IL1RAPL2: variants seen among roughly 807,000 people sequenced by gnomAD.
The protein encoded by IL1RAPL2 is X-linked interleukin-1 receptor accessory protein-like 2.
IL1RAPL2 carries 3 observed loss-of-function variants against 44.1 expected under a neutral mutation model. That is an observed-to-expected ratio of 0.07 (90% CI 0.03 to 0.18). The LOEUF (loss-of-function observed/expected upper bound fraction) is 0.18. IL1RAPL2 is among the 10% of genes least tolerant of loss of function. The pLI is 1.00. For synonymous variants in IL1RAPL2, 181 were observed against 178.8 expected, an observed-to-expected ratio of 1.01 and a Z score of -0.10; for missense variants, 391 against 496.4, an observed-to-expected ratio of 0.79 and a Z score of 2.02.
chrX:105,497,786 A>G (rs1257117474), intron 6 of IL1RAPL2, among the ~76,000 whole-genome samples: 1 of 112,303 alleles, frequency 8.9e-6, no homozygotes, highest in Non-Finnish European at 1.9e-5. Flanking sequence ...AAATCAATCA[A>G]TGTGATATAC....
intron 5 of IL1RAPL2, among the ~76,000 whole-genome samples, chrX:105,419,037 G>T (rs1194956280): frequency 1.8e-5 from 2 of 111,710 alleles, no homozygotes; most frequent in Non-Finnish European, 3.8e-5. Context: ...AAACTAGATT[G>T]GTTTTATATT....
chrX:105,465,582 G>A (rs1259466296), intron 5 of IL1RAPL2, among the ~76,000 whole-genome samples: 1 of 111,764 alleles, frequency 8.9e-6, no homozygotes, highest in Non-Finnish European at 1.9e-5. Context: ...TTTCAACTTT[G>A]TATAGAAACA....
At chrX:105,048,175 G>C (rs1165473672) in intron 2 of IL1RAPL2, among the ~76,000 whole-genome samples, 2 of 111,785 alleles carry the variant, frequency 1.8e-5, no homozygotes, top group Admixed American at 1.9e-4. Flanking sequence ...GGGACAAGTT[G>C]GTTCCTCAAA....
intron 2 of IL1RAPL2, among the ~76,000 whole-genome samples, chrX:104,951,753 T>A (rs1328936433): frequency 1.8e-5 from 2 of 112,492 alleles, no homozygotes. Context: ...TTCAACTGCG[T>A]AGTTGGGCTT....
chrX:104,843,007 A>G (rs191743629), intron 2 of IL1RAPL2, among the ~76,000 whole-genome samples: 2 of 112,600 alleles, frequency 1.8e-5, no homozygotes. Context: ...CTGCCACAGC[A>G]GTCGGCCTTC....
At chrX:105,630,500 C>CT (rs369815453) in intron 6 of IL1RAPL2, among the ~76,000 whole-genome samples, 1,951 of 92,663 alleles carry the variant, frequency 0.021, 43 homozygotes, top group African/African-American at 0.064. Flanking sequence ...AAATTCAGAG[C>CT]TTTTTTTTTT....
chrX:104,947,975 G>C (rs1925438669), intron 2 of IL1RAPL2, among the ~76,000 whole-genome samples: 1 of 111,345 alleles, frequency 9.0e-6, no homozygotes, highest in Non-Finnish European at 1.9e-5. Flanking sequence ...TAGCTTGATG[G>C]GGATGGCATT....
At chrX:105,525,230 T>G in intron 6 of IL1RAPL2, among the ~76,000 whole-genome samples, 1 of 111,500 alleles carries the variant, frequency 9.0e-6, no homozygotes, top group Admixed American at 9.6e-5. Flanking sequence ...TGATACAATA[T>G]AAGGCAAAAC....
intron 5 of IL1RAPL2, among the ~76,000 whole-genome samples, chrX:105,476,589 C>T (rs1486111311): frequency 8.9e-6 from 1 of 111,884 alleles, no homozygotes; most frequent in African/African-American, 3.2e-5. Context: ...AGTTAATAAA[C>T]AGTCCATGCT....
chrX:105,495,465 A>C (rs894293846), intron 6 of IL1RAPL2, among the ~76,000 whole-genome samples: 2 of 112,309 alleles, frequency 1.8e-5, no homozygotes. Flanking sequence ...GAGCCTATGT[A>C]TATTGAAATG....
intron 2 of IL1RAPL2, among the ~76,000 whole-genome samples, chrX:104,685,845 G>A (rs1172029009): frequency 9.1e-6 from 1 of 109,634 alleles, no homozygotes; most frequent in East Asian, 2.9e-4. Flanking sequence ...GGAGAATGGC[G>A]GGAACTCGAG....
rs1036237147 is a variant in IL1RAPL2 at position 105,216,454 on chromosome X, A to G, written c.357-17364A>G. Among the ~76,000 whole-genome samples the G allele has an allele frequency of 3.6e-5, 4 of 111,408 alleles. No individual in the cohort carries two copies. The South Asian group carries it at 1.5e-3, about 42-fold the overall frequency. On this transcript the variant is annotated intron_variant, in intron 3 of 10. Coordinates refer to ENST00000372582, the MANE Select transcript of IL1RAPL2 (RefSeq NM_017416.2). ...CCACTGCTCAAGAGAATAAGAGAAGACACAAATGGAAAAACATTCCATGCT... is the reference window on the plus strand; with the variant it reads ...CCACTGCTCAAGAGAATAAGAGAAGGCACAAATGGAAAAACATTCCATGCT...
At position 104,902,037 on chromosome X, in the gene IL1RAPL2, A is replaced by T. The variant is rs1038640823; in HGVS notation, c.82+243042A>T. Among the ~76,000 whole-genome samples the T allele has an allele frequency of 8.0e-5, 9 of 112,106 alleles. No homozygotes were observed. In the East Asian group the frequency reaches 1.1e-3, roughly 14 times the overall value. ...CTATTCCTTTTTATTTTTTGTTTTT[A>T]AAAACAGTTATTAGCTGTTTGTTTC... On this transcript the variant is annotated intron_variant, in intron 2 of 10. Transcript: ENST00000372582.
chrX:104,935,677 T>G (rs1925007823), intron 2 of IL1RAPL2, among the ~76,000 whole-genome samples: 2 of 112,313 alleles, frequency 1.8e-5, no homozygotes, highest in Non-Finnish European at 3.8e-5. Context: ...CATTTTCACT[T>G]GTAAAGTGTG....
chrX:104,730,533 C>G (rs762064353), intron 2 of IL1RAPL2, among the ~76,000 whole-genome samples: 36 of 105,962 alleles, frequency 3.4e-4, no homozygotes, highest in Non-Finnish European at 6.5e-4. Context: ...TCATCCATGT[C>G]CCTACAAAGG....
At chrX:105,307,226 C>T (rs895747111) in intron 5 of IL1RAPL2, among the ~76,000 whole-genome samples, 1 of 104,098 alleles carries the variant, frequency 9.6e-6, no homozygotes, top group Non-Finnish European at 1.9e-5. Flanking sequence ...GACACAGAAT[C>T]AAACTGCATT....
At chrX:104,712,924 A>T (rs1308813033) in intron 2 of IL1RAPL2, among the ~76,000 whole-genome samples, 1 of 110,955 alleles carries the variant, frequency 9.0e-6, no homozygotes, top group Non-Finnish European at 1.9e-5. Context: ...AAGGAATTTT[A>T]TTGGGAGGAA....
At chrX:105,273,411 C>T (rs1353286355) in intron 5 of IL1RAPL2, among the ~76,000 whole-genome samples, 1 of 111,711 alleles carries the variant, frequency 9.0e-6, no homozygotes, top group African/African-American at 3.3e-5. Context: ...GAACCCCTTT[C>T]CTGCAAAGCC....
chrX:104,899,911 A>G (rs190330196), intron 2 of IL1RAPL2, among the ~76,000 whole-genome samples: 2 of 112,569 alleles, frequency 1.8e-5, no homozygotes, highest in Non-Finnish European at 3.8e-5. Context: ...ACCCAACCAT[A>G]TGTAATGACA....
Sources: allele counts gnomAD v4.1 joint callset (sites outside exome capture counted in the v4.1 genomes callset), GRCh38; gene constraint gnomAD v4.1.1; transcripts MANE v1.5; gene names NCBI Gene and HGNC (gene_info 2026-07-23, HGNC 2026-07-21).